Variants in PACSIN2 observed in about 807,000 individuals in gnomAD.
The protein encoded by PACSIN2 is protein kinase C and casein kinase substrate in neurons 2, also known as protein kinase C and casein kinase substrate in neurons protein 2.
In PACSIN2, 25 loss-of-function variants were observed where a neutral mutation model predicts 63.8. The ratio of observed to expected loss-of-function variants is 0.39; its 90% CI spans 0.29 to 0.55. PACSIN2 has a LOEUF of 0.55. Among genes scored for constraint, PACSIN2 ranks in the 20% least tolerant of loss-of-function variants. PACSIN2 has a pLI of 0.62. For synonymous variants in PACSIN2, 255 were observed against 256.2 expected, an observed-to-expected ratio of 1.00 and a Z score of 0.05; for missense variants, 518 against 646.9, an observed-to-expected ratio of 0.80 and a Z score of 2.16.
chr22:42,977,392 G>GA (rs1034596618), intron 1 of PACSIN2, among the ~76,000 whole-genome samples: 1 of 151,896 alleles, frequency 6.6e-6, no homozygotes, highest in Non-Finnish European at 1.5e-5. Flanking sequence ...ATTCACAGAA[G>GA]AAAAAATAAA....
At chr22:42,898,616 C>T (rs1216775781) in intron 2 of PACSIN2, among the ~76,000 whole-genome samples, 1 of 152,040 alleles carries the variant, frequency 6.6e-6, no homozygotes, top group Non-Finnish European at 1.5e-5. Context: ...CTCCTGCCTC[C>T]CAGGGATGGA....
In PACSIN2 at chr22:42,888,683, A is replaced by G; in HGVS notation, c.569T>C (p.Leu190Ser). ...PSLNPEQLKK[L>S]QDKIEKCKQD... ...CTTGCACTTTTCTATTTTGTCTTGC[A>G]ATTTCTTGAGCTGTTCAGGGTTGAG... The change falls in exon 5 of 11, where the codon TTG (leucine) becomes TCG (serine). Residue 190 changes from leucine to serine, a missense_variant. Leu to Ser is a moderately radical substitution (Grantham distance 145). This residue lies in a region of PACSIN2 where 507 missense variants were observed against 612.3 expected (regional missense o/e 0.83). Transcript: ENST00000263246. 6.2e-7 allele frequency: 1 copy of G among 1,614,158 alleles called. No homozygotes were observed. The highest frequency in any genetic ancestry group is 8.5e-7 in the Non-Finnish European group (1 of 1,180,020).
chr22:42,894,431 CA>C (rs1212161954), intron 2 of PACSIN2, among the ~76,000 whole-genome samples: 1 of 152,150 alleles, frequency 6.6e-6, no homozygotes, highest in Admixed American at 6.5e-5. Context: ...TTAGTGGAGA[CA>C]GGGTTTCACC....
intron 1 of PACSIN2, among the ~76,000 whole-genome samples, chr22:42,968,645 G>A (rs1485948267): frequency 6.6e-6 from 1 of 152,172 alleles, no homozygotes; most frequent in Non-Finnish European, 1.5e-5. Context: ...GCACATTAGT[G>A]TGAGTGGATG....
In PACSIN2 at chr22:43,007,505, C is replaced by G. The variant is rs1924170417; in HGVS notation, c.-78+7516G>C. Among the ~76,000 whole-genome samples the G allele has an allele frequency of 3.3e-5, 5 of 152,162 alleles. No individual in the cohort carries two copies. The South Asian group carries it at 1.0e-3, about 31-fold the overall frequency. On this transcript the variant is annotated intron_variant, in intron 1 of 10. Transcript: ENST00000263246. ...TGTTGGGATTACAGGCGTGACCCCT[C>G]TCTCCCAGCCACTCCTTGTTCTTCA... is the stretch of plus-strand genomic sequence containing the variant.
intron 1 of PACSIN2, among the ~76,000 whole-genome samples, chr22:43,008,433 T>C (rs1924238895): frequency 6.6e-6 from 1 of 152,134 alleles, no homozygotes; most frequent in Admixed American, 6.6e-5. Context: ...ATATTTTTAG[T>C]AGAGATGGGG....
chr22:42,871,295 G>C lies in PACSIN2; in HGVS notation c.*62C>G, dbSNP rs1025735039. ...TGCAGGAAAAGGAGTGGATGCCCACGTGGCTGGCTGAGGCTCCTGGGCCCG... is the reference window on the plus strand; with the variant it reads ...TGCAGGAAAAGGAGTGGATGCCCACCTGGCTGGCTGAGGCTCCTGGGCCCG... On this transcript the variant is annotated 3_prime_UTR_variant, in exon 11 of 11. Transcript: ENST00000263246. This position sits in a 1 kb window ranked among gnomAD's most constrained non-coding sequence, Gnocchi z 5.4. 1 of 992,656 alleles carries C rather than the reference G, an allele frequency of 1.0e-6. No individual in the cohort carries two copies. Among genetic ancestry groups the C allele is most frequent in the East Asian group, 2.4e-5 (1 of 41,956 alleles). 61.5% of individuals were successfully genotyped at this position (992,656 alleles called of 1,614,324 possible). A position where few individuals can be genotyped will look rare whatever the true frequency, so the allele number is the denominator to read the frequency against.
At chr22:42,926,818 C>A (rs529689768) in intron 1 of PACSIN2, among the ~76,000 whole-genome samples, 2 of 151,586 alleles carry the variant, frequency 1.3e-5, no homozygotes, top group East Asian at 3.9e-4. Context: ...ACTCCTGCCT[C>A]GGCAACATAG....
chr22:42,973,155 T>C (rs1921450643), intron 1 of PACSIN2, among the ~76,000 whole-genome samples: 1 of 152,170 alleles, frequency 6.6e-6, no homozygotes, highest in Non-Finnish European at 1.5e-5. Context: ...CTATCCAAAA[T>C]GCCCTGCAAC....
chr22:42,962,714 G>C lies in PACSIN2; in HGVS notation c.-77-50557C>G, dbSNP rs537388728. Among the ~76,000 whole-genome samples the C allele has an allele frequency of 4.0e-3, 586 of 148,280 alleles. 7 individuals are homozygous for C. The highest frequency in any genetic ancestry group is 0.014 in the African/African-American group (560 of 39,834). Reference sequence around the variant, plus strand: ...AGGCAAAGTGCAGCCTGGATGCCTGGGGTGGGTGGAGGCATTGTGAGTCCT... The same window carrying C: ...AGGCAAAGTGCAGCCTGGATGCCTGCGGTGGGTGGAGGCATTGTGAGTCCT... On this transcript the variant is annotated intron_variant, in intron 1 of 10. Transcript: ENST00000263246.
chr22:42,910,623 G>A (rs997648030), intron 2 of PACSIN2, among the ~76,000 whole-genome samples: 7 of 152,358 alleles, frequency 4.6e-5, no homozygotes, highest in South Asian at 2.1e-4. Flanking sequence ...GCTGTGAGAT[G>A]TGGCTGGCGA....
At chr22:42,966,988 A>C (rs1413715861) in intron 1 of PACSIN2, among the ~76,000 whole-genome samples, 1 of 152,214 alleles carries the variant, frequency 6.6e-6, no homozygotes, top group Non-Finnish European at 1.5e-5. Flanking sequence ...AGCACTGTCC[A>C]GGCTCTGGAA....
chr22:42,974,928 G>A (rs1465195253), intron 1 of PACSIN2, among the ~76,000 whole-genome samples: 1 of 152,040 alleles, frequency 6.6e-6, no homozygotes, highest in African/African-American at 2.4e-5. Context: ...TTGATGCAAG[G>A]CAGCCAGCTG....
chr22:43,004,591 A>G (rs560037257), intron 1 of PACSIN2, among the ~76,000 whole-genome samples: 1 of 152,372 alleles, frequency 6.6e-6, no homozygotes, highest in Admixed American at 6.5e-5. Context: ...GAAGACCACA[A>G]TTCATGATCT....
At chr22:42,930,342 C>G (rs887139860) in intron 1 of PACSIN2, among the ~76,000 whole-genome samples, 3 of 152,206 alleles carry the variant, frequency 2.0e-5, no homozygotes, top group African/African-American at 7.2e-5. Context: ...CATGCAGCAG[C>G]ACCAGGACCT....
At chr22:42,979,523 C>CA (rs768725896) in intron 1 of PACSIN2, among the ~76,000 whole-genome samples, 3,050 of 61,374 alleles carry the variant, frequency 0.05, 217 homozygotes, top group African/African-American at 0.16. Flanking sequence ...GACTCCCTCT[C>CA]AAAAAAAAAA....
chr22:43,008,617 C>CA (rs1035870429), intron 1 of PACSIN2, among the ~76,000 whole-genome samples: 5 of 152,184 alleles, frequency 3.3e-5, no homozygotes, highest in South Asian at 4.2e-4. Context: ...TTCAATAAAC[C>CA]AAAAAAATTA....
chr22:42,976,344 C>T (rs1170131351), intron 1 of PACSIN2, among the ~76,000 whole-genome samples: 1 of 152,238 alleles, frequency 6.6e-6, no homozygotes, highest in African/African-American at 2.4e-5. Flanking sequence ...GGTGAAAGGC[C>T]ACTGGCAAGC....
intron 1 of PACSIN2, among the ~76,000 whole-genome samples, chr22:43,009,832 CT>C (rs1924336307): frequency 6.9e-6 from 1 of 145,380 alleles, no homozygotes; most frequent in African/African-American, 2.6e-5. Context: ...CTTGCGAGGT[CT>C]TTGATAGTTG....
Sources: gnomAD v4.1 joint callset for allele counts (sites outside exome capture counted in the v4.1 genomes callset) on GRCh38, gnomAD v4.1.1 for gene constraint, gnomAD v4.1.1 regional missense constraint, Gnocchi (gnomAD v3.1) non-coding constraint, MANE v1.5 for transcripts, NCBI Gene and HGNC (gene_info 2026-07-23, HGNC 2026-07-21) for gene names.